CD2AP: variants seen among roughly 807,000 people sequenced by gnomAD.
CD2AP encodes the protein CD2 associated protein, also known as CD2-associated protein.
Under a neutral mutation model 85.1 loss-of-function variants are expected in CD2AP, and 46 were observed. That is an observed-to-expected ratio of 0.54 (90% confidence interval 0.43 to 0.69). The LOEUF is 0.69. Among genes scored for constraint, CD2AP ranks in the 30% least tolerant of loss-of-function variants. CD2AP has a pLI of 0.00. For missense variants in CD2AP, 769 were observed against 729.5 expected (o/e 1.05, Z -0.62); for synonymous variants, 255 against 252.9 (o/e 1.01, Z -0.08).
chr6:47,605,864 A>G (rs1307720661), intron 13 of CD2AP, among the ~76,000 whole-genome samples: 3 of 152,002 alleles, frequency 2.0e-5, no homozygotes, highest in Admixed American at 2.0e-4. Flanking sequence ...AGTTTGTGAT[A>G]CAGATTTATT....
At chr6:47,498,297 CA>C (rs1395465293) in intron 1 of CD2AP, among the ~76,000 whole-genome samples, 3 of 152,122 alleles carry the variant, frequency 2.0e-5, no homozygotes, top group Non-Finnish European at 4.4e-5. Flanking sequence ...CCAGTATTGC[CA>C]ATGAGAAGTG....
chr6:47,478,493 A>G (rs996732719), intron 1 of CD2AP, among the ~76,000 whole-genome samples: 1 of 144,776 alleles, frequency 6.9e-6, no homozygotes. Context: ...TTTCCTGTTC[A>G]CCAGAAAGGT....
In CD2AP at chr6:47,500,485, C is replaced by T. The variant is rs571446182; in HGVS notation, c.5-2795C>T. On this transcript the variant is annotated intron_variant, in intron 1 of 17. Coordinates refer to ENST00000359314, the MANE Select transcript of CD2AP (RefSeq NM_012120.3). Reference sequence around the variant, plus strand: ...GTCCCTTATCATGTTGGGATGTTTTCAGCTGTAAATAGAAATCCTGTCTAA... The same window carrying T: ...GTCCCTTATCATGTTGGGATGTTTTTAGCTGTAAATAGAAATCCTGTCTAA... Among the ~76,000 whole-genome samples the T allele has an allele frequency of 4.9e-4, 74 of 152,246 alleles. 1 individual carries two copies. The South Asian group carries it at 0.015, about 31-fold the overall frequency.
At chr6:47,498,311 C>T (rs138764627) in intron 1 of CD2AP, among the ~76,000 whole-genome samples, 133 of 152,224 alleles carry the variant, frequency 8.7e-4, no homozygotes, top group African/African-American at 3.0e-3. Context: ...GAGAAGTGTT[C>T]CAAGATGATT....
At position 47,550,602 on chromosome 6, in the gene CD2AP, G is replaced by A. The variant is rs191780425; in HGVS notation, c.421-4044G>A. Among the ~76,000 whole-genome samples, 286 of 152,202 alleles carry A rather than the reference G, an allele frequency of 1.9e-3. 2 individuals carry two copies. The highest frequency in any genetic ancestry group is 6.6e-3 in the African/African-American group (272 of 41,522). On this transcript the variant is annotated intron_variant, in intron 4 of 17. Transcript: ENST00000359314. Reference sequence around the variant, plus strand: ...ATACTTCTGGTGGGAATGTAAACTAGTACAGCCACTATGGAAAACAGTGTG... The same window carrying A: ...ATACTTCTGGTGGGAATGTAAACTAATACAGCCACTATGGAAAACAGTGTG...
At chr6:47,613,752 C>G (rs1216377305) in intron 17 of CD2AP, among the ~76,000 whole-genome samples, 1 of 152,114 alleles carries the variant, frequency 6.6e-6, no homozygotes, top group Non-Finnish European at 1.5e-5. Flanking sequence ...AGCTTTGAAG[C>G]CAGGGATTGA....
At chr6:47,544,039 G>A (rs1251315878) in intron 3 of CD2AP, among the ~76,000 whole-genome samples, 2 of 152,136 alleles carry the variant, frequency 1.3e-5, no homozygotes, top group South Asian at 2.1e-4. Context: ...AAGCGCGAAT[G>A]GTTATAAATG....
At position 47,593,005 on chromosome 6, in the gene CD2AP, G is replaced by A. The variant is rs566085248; in HGVS notation, c.1109-2856G>A. Among the ~76,000 whole-genome samples the A allele has an allele frequency of 1.2e-4, 18 of 152,236 alleles. No individual in the cohort carries two copies. The South Asian group carries it at 2.5e-3, about 21-fold the overall frequency. On this transcript the variant is annotated intron_variant, in intron 11 of 17. Coordinates refer to ENST00000359314, the MANE Select transcript of CD2AP (RefSeq NM_012120.3). The stretch of plus-strand genomic sequence containing the variant: ...AGGACAGGACTTGAGATTGGAATCT[G>A]AAGTGGGAGCAGTCTTGTGGGTCTG...
At chr6:47,582,291 A>T in intron 11 of CD2AP, 1 of 437,436 alleles carries the variant, frequency 2.3e-6, no homozygotes, top group Non-Finnish European at 4.2e-6. Flanking sequence ...GTCTTTATTC[A>T]GTTATTTCAC....
chr6:47,617,418 C>G (rs1769621736), intron 17 of CD2AP, among the ~76,000 whole-genome samples: 1 of 152,086 alleles, frequency 6.6e-6, no homozygotes, highest in Non-Finnish European at 1.5e-5. Flanking sequence ...TCGTATTTTC[C>G]CAGCTTGTAT....
At chr6:47,506,937 T>C (rs1333515221) in intron 2 of CD2AP, among the ~76,000 whole-genome samples, 1 of 152,250 alleles carries the variant, frequency 6.6e-6, no homozygotes, top group Admixed American at 6.5e-5. Context: ...CCCTGTAGCA[T>C]GTGAGCTGTT....
Position 47,624,383 on chromosome 6 carries a change from T to TTA in CD2AP, c.*166_*167dup, listed in dbSNP as rs1026899955. The TTA allele has an allele frequency of 1.3e-5, 8 of 623,534 alleles. No individual in the cohort carries two copies. Among genetic ancestry groups the TTA allele is most frequent in the Middle Eastern group, 5.2e-4 (2 of 3,816 alleles). 38.6% of individuals were successfully genotyped at this position (623,534 alleles called of 1,614,324 possible). On this transcript the variant is annotated 3_prime_UTR_variant, in exon 18 of 18. Coordinates refer to ENST00000359314, the MANE Select transcript of CD2AP (RefSeq NM_012120.3). ...ATAGAAAAGTAGAGTGAGGGTGAAT[T>TTA]TATATATATATTTTGTTTTGCCAAT...
chr6:47,610,949 T>TTATATATA (rs10580325), intron 16 of CD2AP, among the ~76,000 whole-genome samples: 16 of 114,240 alleles, frequency 1.4e-4, no homozygotes, highest in Non-Finnish European at 2.3e-4. Context: ...TATTTCTGAT[T>TTATATATA]TATATATATA....
intron 16 of CD2AP, among the ~76,000 whole-genome samples, chr6:47,610,971 A>ATATATATATATATTTTTTTTTTT: frequency 1.2e-4 from 13 of 112,864 alleles, no homozygotes; most frequent in African/African-American, 4.7e-4. Flanking sequence ...ATATATATGT[A>ATATATATATATATTTTTTTTTTT]TTTTTTTTTT....
chr6:47,511,115 G>A (rs574974824), intron 2 of CD2AP, among the ~76,000 whole-genome samples: 67 of 90,502 alleles, frequency 7.4e-4, no homozygotes, highest in African/African-American at 2.3e-3. Context: ...TAGATGGACA[G>A]GGAAAAATAG....
intron 1 of CD2AP, among the ~76,000 whole-genome samples, chr6:47,500,636 C>G (rs905957116): frequency 6.6e-6 from 1 of 152,172 alleles, no homozygotes; most frequent in Admixed American, 6.5e-5. Flanking sequence ...TTTTTCTCCT[C>G]CACGTTAATT....
intron 11 of CD2AP, among the ~76,000 whole-genome samples, chr6:47,590,988 A>G (rs914145443): frequency 1.3e-5 from 2 of 152,178 alleles, no homozygotes. Context: ...ACCCAAAGCA[A>G]TCTGCACATT....
rs76743831 is a variant in CD2AP, at chr6:47,494,326, C to G, written c.5-8954C>G. ...TTGGGTTTCCCTAAGAACTCTTTCTCAGATAGAATCTGTATCTTGCAGCTT... is the reference window on the plus strand; with the variant it reads ...TTGGGTTTCCCTAAGAACTCTTTCTGAGATAGAATCTGTATCTTGCAGCTT... On this transcript the variant is annotated intron_variant, in intron 1 of 17. Coordinates refer to ENST00000359314, the MANE Select transcript of CD2AP (RefSeq NM_012120.3). 5.9e-5 allele frequency among the ~76,000 whole-genome samples: 9 copies of G among 152,266 alleles called. No individual in the cohort carries two copies. In the East Asian group the frequency reaches 1.7e-3, roughly 29 times the overall value.
intron 5 of CD2AP, among the ~76,000 whole-genome samples, chr6:47,569,743 G>T (rs942758237): frequency 6.6e-6 from 1 of 152,084 alleles, no homozygotes; most frequent in Non-Finnish European, 1.5e-5. Flanking sequence ...TGTATACCTC[G>T]TGTGCCAAAG....
Sources: allele counts gnomAD v4.1 joint callset (sites outside exome capture counted in the v4.1 genomes callset), GRCh38; gene constraint gnomAD v4.1.1; transcripts MANE v1.5; gene names NCBI Gene and HGNC (gene_info 2026-07-23, HGNC 2026-07-21).